AXIN2: variants seen among roughly 807,000 people sequenced by gnomAD.
AXIN2 encodes the protein axin 2.
A neutral mutation model predicts 74.7 loss-of-function variants in AXIN2; 21 were observed. The ratio of observed to expected loss-of-function variants is 0.28; its 90% CI spans 0.20 to 0.40. AXIN2 has a LOEUF of 0.40. Ranked by LOEUF, AXIN2 falls within the 10% of genes least tolerant of loss-of-function variation. The pLI is 1.00. For missense variants in AXIN2, 1,144 were observed against 1,111.1 expected (o/e 1.03, Z -0.42); for synonymous variants, 532 against 454.9 (o/e 1.17, Z -2.16).
intron 2 of AXIN2, among the ~76,000 whole-genome samples, chr17:65,553,844 A>C (rs1340728399): frequency 5.6e-4 from 37 of 65,652 alleles, no homozygotes; most frequent in Non-Finnish European, 1.0e-3. Flanking sequence ...TTAAAAAAAA[A>C]GGCGGGGGGG....
rs868232316 is a variant in AXIN2, at chr17:65,561,215, G to A, written c.-117+235C>T. 7.5e-4 allele frequency: 112 copies of A among 148,948 alleles called. No homozygotes were observed. In the South Asian group the frequency reaches 0.013, roughly 17 times the overall value. 9.2% of individuals were successfully genotyped at this position (148,948 alleles called of 1,614,324 possible). A position where few individuals can be genotyped will look rare whatever the true frequency, so the allele number is the denominator to read the frequency against. On this transcript the variant is annotated intron_variant, in intron 1 of 10. Transcript: ENST00000307078. Reference sequence around the variant, plus strand: ...ACTGTGCACTTCAAAGGCGCGAGCCGAGCGCACGGTCCTGAAAGGGAGGTA... The same window carrying A: ...ACTGTGCACTTCAAAGGCGCGAGCCAAGCGCACGGTCCTGAAAGGGAGGTA...
chr17:65,540,032 C>T (rs1022222500), intron 4 of AXIN2, among the ~76,000 whole-genome samples: 1 of 152,218 alleles, frequency 6.6e-6, no homozygotes, highest in African/African-American at 2.4e-5. Flanking sequence ...CTAAACACTT[C>T]GTTCATTCCG....
rs771501783 is a variant in AXIN2, at chr17:65,558,036, T to C, written c.585A>G (p.Ile195Met). ...NAYQMFLTSD[I>M]YLEYVRSGGE... ...CCCCACTCCTCACATATTCGAGGTATATATCAGAAGTCAAAAACATCTGGT... is the reference window on the plus strand; with the variant it reads ...CCCCACTCCTCACATATTCGAGGTACATATCAGAAGTCAAAAACATCTGGT... The change falls in exon 2 of 11, where the codon ATA (isoleucine) becomes ATG (methionine). Residue 195 changes from isoleucine (I) to methionine (M), a missense_variant. Around this residue, in one of 4 missense-constraint regions of AXIN2, gnomAD observed 1,053 missense variants for 973.5 expected, o/e 1.08. Coordinates refer to ENST00000307078, the MANE Select transcript of AXIN2 (RefSeq NM_004655.4). The C allele has an allele frequency of 6.2e-7, 1 of 1,614,174 alleles. No homozygotes were observed. Among genetic ancestry groups the C allele is most frequent in the Non-Finnish European group, 8.5e-7 (1 of 1,180,040 alleles).
chr17:65,531,998 G>T (rs1164521550), intron 10 of AXIN2, among the ~76,000 whole-genome samples: 2 of 152,086 alleles, frequency 1.3e-5, no homozygotes, highest in Non-Finnish European at 2.9e-5. Flanking sequence ...TGCTGGGAGG[G>T]TGAGGCGTGA....
chr17:65,534,161 G>C (rs2043870423), intron 9 of AXIN2, 82 bp from the exon 10 acceptor site: 1 of 1,524,678 alleles, frequency 6.6e-7, no homozygotes, highest in South Asian at 1.1e-5. Flanking sequence ...GCGCACATGT[G>C]CATAAGTGAC....
chr17:65,541,617 T>G, intron 3 of AXIN2, 60 bp from the exon 4 acceptor site: 1 of 1,377,604 alleles, frequency 7.3e-7, no homozygotes, highest in Non-Finnish European at 1.0e-6. Context: ...GCACATCACA[T>G]GGGCTACTGT....
Position 65,528,914 on chromosome 17 carries a change from T to A in AXIN2, c.*1062A>T. 1 of 312,220 alleles carries A rather than the reference T, an allele frequency of 3.2e-6. No individual in the cohort carries two copies. Among genetic ancestry groups the A allele is most frequent in the Non-Finnish European group, 5.9e-6 (1 of 168,544 alleles). 19.3% of individuals were successfully genotyped at this position (312,220 alleles called of 1,614,324 possible). A position where few individuals can be genotyped will look rare whatever the true frequency, so the allele number is the denominator to read the frequency against. ...ACTATATACAGATGTATAGTACAAG[T>A]AACAATGGCAAACAGAATGTACAGA... On this transcript the variant is annotated 3_prime_UTR_variant, in exon 11 of 11. Coordinates refer to ENST00000307078, the MANE Select transcript of AXIN2 (RefSeq NM_004655.4).
rs1598119374 is a variant in AXIN2 at position 65,558,032 on chromosome 17, G to A, written c.589C>T (p.Leu197Phe). ...TCTCCCCCACTCCTCACATATTCGA[G>A]GTATATATCAGAAGTCAAAAACATC... ...YQMFLTSDIYLEYVRSGGENT... is the reference protein window; with the variant it reads ...YQMFLTSDIYFEYVRSGGENT... The change falls in exon 2 of 11, where the codon CTC (leucine) becomes TTC (phenylalanine). Residue 197 changes from leucine (L) to phenylalanine (F), a missense_variant. By Grantham distance (22) the Leu-to-Phe change is conservative. This residue lies in a region of AXIN2 where 1,053 missense variants were observed against 973.5 expected (regional missense o/e 1.08). Coordinates refer to ENST00000307078, the MANE Select transcript of AXIN2 (RefSeq NM_004655.4). 8 of 1,613,826 alleles carry A rather than the reference G, an allele frequency of 5.0e-6. No homozygotes were observed. Among genetic ancestry groups the A allele is most frequent in the Non-Finnish European group, 5.1e-6 (6 of 1,180,012 alleles).
At chr17:65,530,139 G>A (rs1253286507) in intron 10 of AXIN2, 37 bp from the exon 11 acceptor site, 2 of 1,612,322 alleles carry the variant, frequency 1.2e-6, no homozygotes, top group Non-Finnish European at 1.7e-6. Context: ...TTGGTAAACT[G>A]CATTTTCCAC....
chr17:65,542,354 C>T (rs1333284895), intron 3 of AXIN2, among the ~76,000 whole-genome samples: 1 of 152,222 alleles, frequency 6.6e-6, no homozygotes, highest in Non-Finnish European at 1.5e-5. Context: ...ATAATTCAAA[C>T]AACTGCCCTC....
At chr17:65,556,261 C>T (rs2044265430) in intron 2 of AXIN2, among the ~76,000 whole-genome samples, 1 of 152,206 alleles carries the variant, frequency 6.6e-6, no homozygotes, top group Non-Finnish European at 1.5e-5. Context: ...CAGGAGGCCC[C>T]TGGAGAAGCA....
chr17:65,548,291 T>C (rs2044144317), intron 3 of AXIN2, among the ~76,000 whole-genome samples: 1 of 152,156 alleles, frequency 6.6e-6, no homozygotes, highest in Non-Finnish European at 1.5e-5. Context: ...GCAAAATAAA[T>C]AGTAGGTTCC....
At chr17:65,554,979 GGTTA>G (rs1247636701) in intron 2 of AXIN2, among the ~76,000 whole-genome samples, 3 of 152,178 alleles carry the variant, frequency 2.0e-5, no homozygotes, top group Non-Finnish European at 4.4e-5. Context: ...TTTTGCTCTA[GGTTA>G]TTTATAGCCA....
intron 4 of AXIN2, among the ~76,000 whole-genome samples, chr17:65,540,275 T>C (rs1377500810): frequency 1.3e-5 from 2 of 152,226 alleles, no homozygotes; most frequent in Non-Finnish European, 2.9e-5. Flanking sequence ...AGGTTCCTTA[T>C]TCATTCACTC....
At chr17:65,538,111 C>A (rs184757332) in intron 5 of AXIN2, 92 bp downstream of exon 5, 3 of 1,594,018 alleles carry the variant, frequency 1.9e-6, no homozygotes, top group Admixed American at 3.4e-5. Flanking sequence ...CACGCACATG[C>A]GCACACCCTA....
chr17:65,534,954 C>G (rs1308056155), intron 9 of AXIN2, among the ~76,000 whole-genome samples: 2 of 152,026 alleles, frequency 1.3e-5, no homozygotes, highest in Admixed American at 1.3e-4. Flanking sequence ...AAGTGGCTGG[C>G]CCAGACCCAG....
At chr17:65,557,695 TAACTC>T (rs2044288343) in intron 2 of AXIN2, 106 bp downstream of exon 2, 1 of 1,164,852 alleles carries the variant, frequency 8.6e-7, no homozygotes, top group Non-Finnish European at 1.3e-6. Flanking sequence ...CCAGCAGTCC[TAACTC>T]AACAGACCTG....
rs542785750 is a variant in AXIN2 at position 65,532,506 on chromosome 17, A to G, written c.2405+1406T>C. On this transcript the variant is annotated intron_variant, in intron 10 of 10. Transcript: ENST00000307078. ...TCTCTGCCCAGGTATAAAAGGGACT[A>G]TCCAGACCCAGCAACACGCCCTGCT... is the stretch of plus-strand genomic sequence containing the variant. Among the ~76,000 whole-genome samples the G allele has an allele frequency of 2.6e-5, 4 of 152,288 alleles. No individual in the cohort carries two copies. The South Asian group carries it at 8.3e-4, about 32-fold the overall frequency.
chr17:65,529,423 C>CT lies in AXIN2; in HGVS notation c.*552dup, dbSNP rs1191589882. 8.0e-6 allele frequency: 2 copies of CT among 251,488 alleles called. No homozygotes were observed. The highest frequency in any genetic ancestry group is 4.8e-5 in the Admixed American group (1 of 20,696). The allele number at this position is 251,488 out of a possible 1,614,324, so 15.6% of individuals were successfully genotyped here. ...TTTTAAAAAGTCTGTCTAAAACAGT[C>CT]TGTCTTCACTTGGAGGGACGTAGTG... On this transcript the variant is annotated 3_prime_UTR_variant, in exon 11 of 11. Coordinates refer to ENST00000307078, the MANE Select transcript of AXIN2 (RefSeq NM_004655.4).
Sources: allele counts gnomAD v4.1 joint callset (sites outside exome capture counted in the v4.1 genomes callset), GRCh38; gene constraint gnomAD v4.1.1; regional missense constraint gnomAD v4.1.1; transcripts MANE v1.5; gene names NCBI Gene and HGNC (gene_info 2026-07-23, HGNC 2026-07-21).